The following PGAP6 variants were observed in gnomAD, a reference collection of about 807,000 sequenced individuals.
PGAP6 encodes post-GPI attachment to proteins factor 6.
PGAP6 carries 62 observed loss-of-function variants against 68.4 expected under a neutral mutation model. That is an observed-to-expected ratio of 0.91 (90% CI 0.74 to 1.12). PGAP6 has a LOEUF of 1.12. PGAP6 is among the 50% of genes most tolerant of loss of function. The probability of loss-of-function intolerance (pLI) is 0.00; values close to 1 mark genes in which losing one functional copy is unlikely to be tolerated. For synonymous variants in PGAP6, 575 were observed against 474.0 expected (o/e 1.21, Z -2.77); for missense variants, 1,188 against 1,068.5 (o/e 1.11, Z -1.56).
At chr16:375,531 TTC>T in intron 6 of PGAP6, 96 bp from the exon 7 acceptor site, 4 of 1,026,634 alleles carry the variant, frequency 3.9e-6, no homozygotes, top group East Asian at 2.5e-5. Context: ...GCTGGTGCCT[TTC>T]TTTTTTTTTT....
In PGAP6 at chr16:372,228, G is replaced by A. The variant is rs563720284; in HGVS notation, c.2075C>T (p.Ala692Val). 6.2e-7 allele frequency: 1 copy of A among 1,612,306 alleles called. No individual in the cohort carries two copies. The highest frequency in any genetic ancestry group is 1.7e-5 in the Admixed American group (1 of 59,992). The stretch of plus-strand genomic sequence containing the variant: ...AGAGACGCCGGGCAGGAGGTAGAAG[G>A]CCCAGCGCTGCCACGAGGTGGGGTA... ...QCYPTSWQRW[A>V]FYLLPGVSMA... Residue 692 changes from alanine to valine, a missense_variant, in exon 13 of 13, where the codon GCC becomes GTC. By Grantham distance (64) the Ala-to-Val change is moderately conservative. Coordinates refer to ENST00000431232, the MANE Select transcript of PGAP6 (RefSeq NM_021259.3).
upstream of PGAP6, chr16:382,419 GTCA>G: frequency 5.3e-6 from 2 of 377,608 alleles, no homozygotes; most frequent in Non-Finnish European, 9.4e-6. Flanking sequence ...GTGGGCCTGA[GTCA>G]GGCGCCTCAG....
At chr16:384,697 A>C (rs2054469876), upstream of PGAP6, among the ~76,000 whole-genome samples, 1 of 152,092 alleles carries the variant, frequency 6.6e-6, no homozygotes, top group Non-Finnish European at 1.5e-5. Context: ...TCTACTAAAA[A>C]TATAAAAAGT....
chr16:372,285 T>G lies in PGAP6; in HGVS notation c.2020-2A>C. The G allele has an allele frequency of 6.2e-7, 1 of 1,606,374 alleles. No homozygotes were observed. The highest frequency in any genetic ancestry group is 8.5e-7 in the Non-Finnish European group (1 of 1,179,176). ...GCGCCGGTGCCCGCAGCGGTAAGCC[T>G]GGAGAAAACAGCCACGCAGGTATCA... On this transcript the variant is annotated splice_acceptor_variant, in intron 12 of 12. Coordinates refer to ENST00000431232, the MANE Select transcript of PGAP6 (RefSeq NM_021259.3). LOFTEE classifies it high-confidence loss of function.
chr16:373,625 C>T (rs773355402), intron 11 of PGAP6, among the ~76,000 whole-genome samples: 23 of 152,258 alleles, frequency 1.5e-4, no homozygotes, highest in Non-Finnish European at 2.8e-4. Flanking sequence ...CCAACGCCTC[C>T]AATGCCTGGG....
chr16:372,787 G>A, intron 11 of PGAP6, 60 bp from the exon 12 acceptor site: 1 of 1,273,922 alleles, frequency 7.8e-7, no homozygotes, highest in Admixed American at 1.8e-5. Context: ...CCCAGCAGGA[G>A]CACGCGTACC....
intron 1 of PGAP6, among the ~76,000 whole-genome samples, chr16:379,776 C>G (rs1021831784): frequency 6.6e-6 from 1 of 152,064 alleles, no homozygotes; most frequent in East Asian, 1.9e-4. Flanking sequence ...GGCTCACAGC[C>G]CCTCCAGGCC....
chr16:371,910 C>G lies in PGAP6; in HGVS notation c.*77G>C. ...CAGCTGGAAATCAATCTGTCCAGGG[C>G]TGGACCAGGCGCCTCCCCCTCGATA... On this transcript the variant is annotated 3_prime_UTR_variant, in exon 13 of 13. Coordinates refer to ENST00000431232, the MANE Select transcript of PGAP6 (RefSeq NM_021259.3). 2 of 1,502,870 alleles carry G rather than the reference C, an allele frequency of 1.3e-6. No individual in the cohort carries two copies. Among genetic ancestry groups the G allele is most frequent in the Non-Finnish European group, 1.8e-6 (2 of 1,102,554 alleles). 93.1% of individuals were successfully genotyped at this position (1,502,870 alleles called of 1,614,324 possible). A position where few individuals can be genotyped will look rare whatever the true frequency, so the allele number is the denominator to read the frequency against.
chr16:382,516 G>C, upstream of PGAP6: 1 of 354,508 alleles, frequency 2.8e-6, no homozygotes. Context: ...CAGACGAGAA[G>C]GCTGCTTGTG....
upstream of PGAP6, chr16:386,727 A>AAC (rs1567329294): frequency 7.9e-4 from 32 of 40,322 alleles, no homozygotes; most frequent in South Asian, 3.6e-3. Context: ...AAAAAAAACC[A>AAC]AAAAAAAAAA....
intron 11 of PGAP6, among the ~76,000 whole-genome samples, chr16:373,434 CT>C (rs1171057774): frequency 6.6e-6 from 1 of 152,212 alleles, no homozygotes; most frequent in Non-Finnish European, 1.5e-5. Flanking sequence ...GGCAGGGGGC[CT>C]GGCCTCCCCT....
intron 12 of PGAP6, 84 bp from the exon 13 acceptor site, chr16:372,367 GC>G: frequency 7.0e-7 from 1 of 1,431,034 alleles, no homozygotes; most frequent in East Asian, 2.3e-5. Flanking sequence ...GTTACTGGGG[GC>G]CTGCCCAGGT....
chr16:372,715 G>C lies in PGAP6; in HGVS notation c.1915C>G (p.Leu639Val), dbSNP rs773704912. ...KTVLKYVLFL[L>V]GTLVIAMSLQ... is the part of the protein sequence containing the mutation. ...GACATGGCGATGACCAGTGTACCCA[G>C]AAGAAACAGCACCTGCGCAAGACAC... Residue 639 changes from leucine (L) to valine (V), a missense_variant, in exon 12 of 13, where the codon CTG becomes GTG. Coordinates refer to ENST00000431232, the MANE Select transcript of PGAP6 (RefSeq NM_021259.3). 4 of 1,610,120 alleles carry C rather than the reference G, an allele frequency of 2.5e-6. No homozygotes were observed. Among genetic ancestry groups the C allele is most frequent in the Non-Finnish European group, 3.4e-6 (4 of 1,178,308 alleles).
Position 372,326 on chromosome 16 carries a change from C to T in PGAP6, c.2020-43G>A, listed in dbSNP as rs111738186. The stretch of plus-strand genomic sequence containing the variant: ...GCAGGTATCAGTGCAGGTGGGGCCG[C>T]GGCTGCAGCTCCCAGGGCCCAGATA... On this transcript the variant is annotated intron_variant, in intron 12 of 12. Coordinates refer to ENST00000431232, the MANE Select transcript of PGAP6 (RefSeq NM_021259.3). 5.4e-4 allele frequency: 847 copies of T among 1,567,016 alleles called. 5 individuals are homozygous for T. In the African/African-American group the frequency reaches 8.5e-3, roughly 16 times the overall value.
rs769741769 is a variant in PGAP6, at chr16:377,670, C to T, written c.299+1G>A. 1.8e-5 allele frequency: 29 copies of T among 1,580,160 alleles called. No homozygotes were observed. The highest frequency in any genetic ancestry group is 2.5e-5 in the Non-Finnish European group (29 of 1,164,340). On this transcript the variant is annotated splice_donor_variant, in intron 2 of 12. Coordinates refer to ENST00000431232, the MANE Select transcript of PGAP6 (RefSeq NM_021259.3). LOFTEE classifies it high-confidence loss of function. ...GGGCAGGCGGGCGGGCAGCCACCTA[C>T]ACGGTGATCTCCGCGTCGGTGCAGG...
chr16:374,519 G>T, intron 9 of PGAP6, 120 bp from the exon 10 acceptor site: 1 of 1,235,966 alleles, frequency 8.1e-7, no homozygotes, highest in Non-Finnish European at 1.1e-6. Context: ...GGGTAGGCAC[G>T]GCGGGCGGGG....
chr16:372,311 G>C (rs1191555886), intron 12 of PGAP6, 28 bp from the exon 13 acceptor site: 1 of 1,590,364 alleles, frequency 6.3e-7, no homozygotes, highest in Non-Finnish European at 8.5e-7. Context: ...GCAGGTATCA[G>C]TGCAGGTGGG....
intron 1 of PGAP6, among the ~76,000 whole-genome samples, chr16:380,611 C>T (rs970064774): frequency 2.6e-5 from 4 of 152,330 alleles, no homozygotes; most frequent in African/African-American, 9.6e-5. Flanking sequence ...AGGTGATCCA[C>T]CCGCCTCAGC....
rs778294570 is a variant in PGAP6 at position 374,147 on chromosome 16, T to C, written c.1760A>G (p.Tyr587Cys). The C allele has an allele frequency of 8.7e-6, 14 of 1,610,760 alleles. No individual in the cohort carries two copies. Among genetic ancestry groups the C allele is most frequent in the South Asian group, 2.2e-5 (2 of 91,092 alleles). Residue 587 changes from tyrosine (Y) to cysteine (C), a missense_variant, in exon 11 of 13, where the codon TAC becomes TGC. Tyr to Cys is a radical substitution (Grantham distance 194). Transcript: ENST00000431232. ...CTCCCCGGGCTGGTCGCAGGCGTGGTAGAACTGTGGGGAGGCTCCATGAGC... is the reference window on the plus strand; with the variant it reads ...CTCCCCGGGCTGGTCGCAGGCGTGGCAGAACTGTGGGGAGGCTCCATGAGC... ...YAYTMFFSTF[Y>C]HACDQPGEAV...
Sources: allele counts gnomAD v4.1 joint callset (sites outside exome capture counted in the v4.1 genomes callset), GRCh38; gene constraint gnomAD v4.1.1; transcripts MANE v1.5; gene names NCBI Gene and HGNC (gene_info 2026-07-23, HGNC 2026-07-21).